The following PTPRM variants were observed in gnomAD, a reference collection of about 807,000 sequenced individuals.
PTPRM encodes receptor-type tyrosine-protein phosphatase mu.
In PTPRM, 47 loss-of-function variants were observed where a neutral mutation model predicts 186.7. The observed-to-expected ratio is 0.25, with a 90% CI of 0.20 to 0.32. The LOEUF (loss-of-function observed/expected upper bound fraction) is 0.32, where lower values mean the gene tolerates loss of function less well. Ranked by LOEUF, PTPRM falls within the 10% of genes least tolerant of loss-of-function variation. The probability of loss-of-function intolerance (pLI) is 1.00; values close to 1 mark genes in which losing one functional copy is unlikely to be tolerated. For missense variants in PTPRM, 1,494 were observed against 1,865.0 expected (o/e 0.80, Z 3.66); for synonymous variants, 668 against 674.9 (o/e 0.99, Z 0.16).
chr18:7,844,790 A>T (rs866137224), intron 2 of PTPRM, among the ~76,000 whole-genome samples: 2 of 152,054 alleles, frequency 1.3e-5, no homozygotes, highest in Non-Finnish European at 2.9e-5. Flanking sequence ...CCAAAGGTCT[A>T]TTTTCATTGT....
At chr18:8,175,367 C>A (rs2093465722) in intron 14 of PTPRM, among the ~76,000 whole-genome samples, 1 of 152,048 alleles carries the variant, frequency 6.6e-6, no homozygotes, top group Non-Finnish European at 1.5e-5. Context: ...TAAATATTCA[C>A]CCCATGAGGA....
In PTPRM at chr18:7,936,219, C is replaced by T. The variant is rs144347498; in HGVS notation, c.663+9536C>T. 8.1e-3 allele frequency among the ~76,000 whole-genome samples: 1,238 copies of T among 152,250 alleles called. 7 individuals are homozygous for T. The highest frequency in any genetic ancestry group is 0.033 in the South Asian group (157 of 4,822). The stretch of plus-strand genomic sequence containing the variant: ...CCAGCCATGGCTGCAGACCCAGCAT[C>T]CCTGTGCTCTTAGAGGCTGGGAGCA... On this transcript the variant is annotated intron_variant, in intron 5 of 32. Coordinates refer to ENST00000580170, the MANE Select transcript of PTPRM (RefSeq NM_001105244.2).
intron 11 of PTPRM, among the ~76,000 whole-genome samples, chr18:8,105,125 A>G (rs546894692): frequency 1.3e-5 from 2 of 152,308 alleles, no homozygotes; most frequent in African/African-American, 2.4e-5. Context: ...TCATTGAGGT[A>G]CACATAGGAT....
rs369492128 is a variant in PTPRM, at chr18:8,137,348, C to T, written c.2168-6299C>T. 2.7e-4 allele frequency among the ~76,000 whole-genome samples: 41 copies of T among 152,318 alleles called. No individual in the cohort carries two copies. The South Asian group carries it at 7.7e-3, about 29-fold the overall frequency. Reference sequence around the variant, plus strand: ...CATTGAACCCAACACACAGCCCCAGCTGGCCATGTAGTCCCAGAGCCATTG... The same window carrying T: ...CATTGAACCCAACACACAGCCCCAGTTGGCCATGTAGTCCCAGAGCCATTG... On this transcript the variant is annotated intron_variant, in intron 13 of 32. Coordinates refer to ENST00000580170, the MANE Select transcript of PTPRM (RefSeq NM_001105244.2).
chr18:8,323,912 A>T (rs2095360556), intron 22 of PTPRM, among the ~76,000 whole-genome samples: 1 of 152,156 alleles, frequency 6.6e-6, no homozygotes, highest in South Asian at 2.1e-4. Flanking sequence ...AGAAAATTTC[A>T]TTTAAGGTGG....
In PTPRM at chr18:8,333,254, A is replaced by G. The variant is rs555873505; in HGVS notation, c.2957-10169A>G. On this transcript the variant is annotated intron_variant, in intron 22 of 32. Coordinates refer to ENST00000580170, the MANE Select transcript of PTPRM (RefSeq NM_001105244.2). ...ACAAAAAATATTTCATGAAAGTTGC[A>G]TGATTTTAACATAAGTAGCCTCAGG... Among the ~76,000 whole-genome samples the G allele has an allele frequency of 5.9e-5, 9 of 152,358 alleles. No homozygotes were observed. In the South Asian group the frequency reaches 6.2e-4, roughly 11 times the overall value.
intron 14 of PTPRM, among the ~76,000 whole-genome samples, chr18:8,186,426 A>T (rs4476239): frequency 0.62 from 94,657 of 152,006 alleles, 30,037 homozygotes; most frequent in Middle Eastern, 0.78. Context: ...CTTAATATGT[A>T]TGAGGGCTCT....
At chr18:8,287,811 A>G (rs958288961) in intron 19 of PTPRM, among the ~76,000 whole-genome samples, 9 of 152,302 alleles carry the variant, frequency 5.9e-5, no homozygotes, top group Admixed American at 5.2e-4. Context: ...AATCCTAGAG[A>G]CAAGACCTAA....
chr18:8,090,749 T>C (rs1368521356), intron 11 of PTPRM, among the ~76,000 whole-genome samples: 6 of 152,016 alleles, frequency 3.9e-5, no homozygotes, highest in Non-Finnish European at 8.8e-5. Flanking sequence ...GACGTGCTAC[T>C]GCACCCAGCT....
At chr18:7,947,515 T>C (rs909183824) in intron 5 of PTPRM, among the ~76,000 whole-genome samples, 2 of 152,200 alleles carry the variant, frequency 1.3e-5, no homozygotes, top group African/African-American at 4.8e-5. Context: ...AGCATTTTCA[T>C]AGCTATGAAT....
chr18:8,301,314 C>A (rs1601706350), intron 20 of PTPRM, among the ~76,000 whole-genome samples: 1 of 152,120 alleles, frequency 6.6e-6, no homozygotes, highest in East Asian at 1.9e-4. Flanking sequence ...TGAGCTAGCC[C>A]CTTCCAAATA....
chr18:7,569,301 T>C (rs2036514597), intron 1 of PTPRM, among the ~76,000 whole-genome samples: 1 of 151,986 alleles, frequency 6.6e-6, no homozygotes, highest in Non-Finnish European at 1.5e-5. Context: ...AGAGAAGGAG[T>C]GGAACGTGTA....
intron 14 of PTPRM, among the ~76,000 whole-genome samples, chr18:8,223,653 A>G (rs914612475): frequency 6.6e-6 from 1 of 152,172 alleles, no homozygotes; most frequent in African/African-American, 2.4e-5. Flanking sequence ...ACCTGATTGA[A>G]GATGCTTTGG....
At chr18:8,103,322 C>T (rs774476279) in intron 11 of PTPRM, among the ~76,000 whole-genome samples, 14 of 152,214 alleles carry the variant, frequency 9.2e-5, no homozygotes, top group Non-Finnish European at 1.5e-4. Context: ...AATAGAAGGC[C>T]ATTTCATCTA....
intron 2 of PTPRM, among the ~76,000 whole-genome samples, chr18:7,864,880 T>C (rs1032608728): frequency 2.6e-5 from 4 of 152,200 alleles, no homozygotes; most frequent in African/African-American, 9.6e-5. Context: ...CCTTCAGCAG[T>C]GGTTTGTAGT....
At chr18:8,341,682 G>GCCCC (rs56361813) in intron 22 of PTPRM, among the ~76,000 whole-genome samples, 143 of 149,486 alleles carry the variant, frequency 9.6e-4, no homozygotes, top group African/African-American at 3.2e-3. Flanking sequence ...ACCTAGTGAA[G>GCCCC]CCCCCCCCCC....
In PTPRM at chr18:7,568,564, C is replaced by CACGG. The variant is rs2036491316; in HGVS notation, c.73+674_73+677dup. 6.6e-6 allele frequency among the ~76,000 whole-genome samples: 1 copy of CACGG among 152,168 alleles called. No homozygotes were observed. The highest frequency in any genetic ancestry group is 1.5e-5 in the Non-Finnish European group (1 of 68,010). ...AGCGGGCAGGTCCCCAGGCCCTGGC[C>CACGG]ACGGCCCTGCGCCCCGCTGGGCTCC... On this transcript the variant is annotated intron_variant, in intron 1 of 32. Transcript: ENST00000580170. This position sits in a 1 kb window ranked among gnomAD's most constrained non-coding sequence, Gnocchi z 5.1.
intron 1 of PTPRM, among the ~76,000 whole-genome samples, chr18:7,611,449 G>A (rs935812452): frequency 2.6e-5 from 4 of 152,042 alleles, no homozygotes; most frequent in Non-Finnish European, 4.4e-5. Context: ...TTTATCTTCT[G>A]TACCATATTT....
chr18:7,768,781 G>A (rs928516215), intron 1 of PTPRM, among the ~76,000 whole-genome samples: 3 of 151,726 alleles, frequency 2.0e-5, no homozygotes, highest in Admixed American at 1.3e-4. Flanking sequence ...CGAGTAGCTG[G>A]GATTACAGGC....
Sources: allele counts gnomAD v4.1 joint callset (sites outside exome capture counted in the v4.1 genomes callset), GRCh38; gene constraint gnomAD v4.1.1; non-coding constraint Gnocchi (gnomAD v3.1); transcripts MANE v1.5; gene names NCBI Gene and HGNC (gene_info 2026-07-23, HGNC 2026-07-21).